Variants in TTC23L observed in about 807,000 individuals in gnomAD.
TTC23L encodes the protein tetratricopeptide repeat domain 23 like, also known as tetratricopeptide repeat protein 23-like.
TTC23L carries 42 observed loss-of-function variants against 48.1 expected under a neutral mutation model. The ratio of observed to expected loss-of-function variants is 0.87; its 90% CI spans 0.68 to 1.13. The LOEUF is 1.13. TTC23L is among the 50% of genes most tolerant of loss of function. The pLI, the probability that TTC23L is intolerant of heterozygous loss-of-function variation, is 0.00. For missense variants in TTC23L, 391 were observed against 421.0 expected, an observed-to-expected ratio of 0.93 and a Z score of 0.62; for synonymous variants, 159 against 157.2, an observed-to-expected ratio of 1.01 and a Z score of -0.09.
the TTC23L span, chr5:34,916,148 C>T: frequency 2.6e-6 from 1 of 381,552 alleles, no homozygotes; most frequent in Non-Finnish European, 4.7e-6. Context: ...TTACAGGGTG[C>T]TCAGATCCAG....
At chr5:34,917,979 G>A in the TTC23L span, 1 of 154,846 alleles carries the variant, frequency 6.5e-6, no homozygotes, top group Non-Finnish European at 1.4e-5. Flanking sequence ...AAGGAGTCAG[G>A]ATGGTTTGAC....
intron 9 of TTC23L, among the ~76,000 whole-genome samples, chr5:34,893,423 A>G (rs184912312): frequency 6.9e-4 from 105 of 152,292 alleles, no homozygotes; most frequent in African/African-American, 2.5e-3. Flanking sequence ...ATGATTCTGA[A>G]GCTAATGGAA....
intron 10 of TTC23L, among the ~76,000 whole-genome samples, chr5:34,898,942 G>A (rs1338685228): frequency 6.6e-6 from 1 of 152,150 alleles, no homozygotes. Flanking sequence ...GAAATCAGAG[G>A]ACAGACATCT....
At chr5:34,882,185 C>A (rs2111682562) in intron 9 of TTC23L, among the ~76,000 whole-genome samples, 1 of 152,238 alleles carries the variant, frequency 6.6e-6, no homozygotes, top group East Asian at 1.9e-4. Flanking sequence ...AATACCATGA[C>A]CTTGGTTGTG....
At chr5:34,859,990 C>T (rs1315638904) in intron 4 of TTC23L, among the ~76,000 whole-genome samples, 5 of 151,546 alleles carry the variant, frequency 3.3e-5, no homozygotes, top group African/African-American at 4.8e-5. Flanking sequence ...ACTACAGGCG[C>T]CCGCCACCAC....
At chr5:34,886,472 C>G (rs1030490466) in intron 9 of TTC23L, among the ~76,000 whole-genome samples, 2 of 151,474 alleles carry the variant, frequency 1.3e-5, no homozygotes, top group African/African-American at 4.8e-5. Context: ...AAAAATGTGG[C>G]TGAAACTTTT....
At chr5:34,847,654 C>T (rs1759325757) in intron 3 of TTC23L, among the ~76,000 whole-genome samples, 1 of 152,140 alleles carries the variant, frequency 6.6e-6, no homozygotes, top group Non-Finnish European at 1.5e-5. Context: ...AGAGCCAAAG[C>T]TTTGGTCTCC....
chr5:34,904,816 G>A, the TTC23L span, among the ~76,000 whole-genome samples: 1 of 152,224 alleles, frequency 6.6e-6, no homozygotes, highest in African/African-American at 2.4e-5. Context: ...CAGGCACCAT[G>A]CCTAAGGGTA....
exon 8 of TTC23L, chr5:34,868,908 C>T (rs1761249376): frequency 1.2e-6 from 2 of 1,604,510 alleles, no homozygotes; most frequent in Non-Finnish European, 8.5e-7. Context: ...ATTCCAGGCT[C>T]ATTCTGTCTG....
chr5:34,859,647 C>T (rs1332455501), intron 4 of TTC23L, among the ~76,000 whole-genome samples: 1 of 152,074 alleles, frequency 6.6e-6, no homozygotes, highest in East Asian at 1.9e-4. Context: ...AGAGGTCCCT[C>T]ACAAGAAGCT....
At chr5:34,921,566 G>A in the TTC23L span, 1 of 152,106 alleles carries the variant, frequency 6.6e-6, no homozygotes, top group Admixed American at 6.5e-5. Context: ...TTATCCGTAG[G>A]GCATCTATTT....
chr5:34,922,211 C>T, the TTC23L span: 1 of 1,541,586 alleles, frequency 6.5e-7, no homozygotes, highest in Admixed American at 1.8e-5. Context: ...ACTTTGCTTC[C>T]TTTAGGTTTG....
At chr5:34,854,581 A>C (rs1317988124) in intron 4 of TTC23L, among the ~76,000 whole-genome samples, 1 of 152,184 alleles carries the variant, frequency 6.6e-6, no homozygotes, top group African/African-American at 2.4e-5. Context: ...AGTGGACAGA[A>C]TATATAAGCT....
At chr5:34,900,245 C>A (rs251637), downstream of TTC23L, among the ~76,000 whole-genome samples, 81,630 of 151,988 alleles carry the variant, frequency 0.54, 22,232 homozygotes, top group South Asian at 0.69. Context: ...TACTGATAAG[C>A]TTAACAGTTG....
chr5:34,876,431 A>G (rs1165021398), intron 8 of TTC23L, among the ~76,000 whole-genome samples: 1 of 152,204 alleles, frequency 6.6e-6, no homozygotes, highest in African/African-American at 2.4e-5. Context: ...AGACATCACT[A>G]CAGATCCAAT....
chr5:34,857,020 G>A (rs892502300), intron 4 of TTC23L, among the ~76,000 whole-genome samples: 1 of 152,210 alleles, frequency 6.6e-6, no homozygotes, highest in Admixed American at 6.5e-5. Context: ...AGGGTTTAAA[G>A]ATGTTTTTAA....
the TTC23L span, chr5:34,913,545 C>G: frequency 1.9e-6 from 3 of 1,600,472 alleles, no homozygotes; most frequent in South Asian, 2.2e-5. Context: ...GTAACAGACT[C>G]TTCCTGAACT....
chr5:34,922,542 T>C, the TTC23L span: 2 of 1,605,366 alleles, frequency 1.2e-6, no homozygotes, highest in Non-Finnish European at 1.7e-6. Flanking sequence ...CTTTCAGGCT[T>C]TCAAATTCAC....
At chr5:34,879,485 T>C (rs1561148645) in intron 8 of TTC23L, among the ~76,000 whole-genome samples, 1 of 152,160 alleles carries the variant, frequency 6.6e-6, no homozygotes, top group Non-Finnish European at 1.5e-5. Context: ...ACTTACTCCC[T>C]CCCAGCACCC....
Sources: allele counts gnomAD v4.1 joint callset (sites outside exome capture counted in the v4.1 genomes callset), GRCh38; gene constraint gnomAD v4.1.1; transcripts MANE v1.5; gene names NCBI Gene and HGNC (gene_info 2026-07-23, HGNC 2026-07-21).